ARHGAP21: variants seen among roughly 807,000 people sequenced by gnomAD.
ARHGAP21 encodes the protein rho GTPase-activating protein 21.
A neutral mutation model predicts 164.6 loss-of-function variants in ARHGAP21; 38 were observed. The observed-to-expected ratio is 0.23, with a 90% CI of 0.18 to 0.30. The LOEUF (loss-of-function observed/expected upper bound fraction) is 0.30, where lower values mean the gene tolerates loss of function less well. ARHGAP21 is among the 10% of genes least tolerant of loss of function. The pLI is 1.00. For synonymous variants in ARHGAP21, 766 were observed against 857.9 expected (o/e 0.89, Z 1.87); for missense variants, 1,822 against 2,370.7 (o/e 0.77, Z 4.81).
chr10:24,667,328 C>A (rs959020617), intron 3 of ARHGAP21, among the ~76,000 whole-genome samples: 4 of 152,162 alleles, frequency 2.6e-5, no homozygotes, highest in South Asian at 2.1e-4. Context: ...CATTTGAGTG[C>A]GAGATTTCTA....
chr10:24,704,040 A>T (rs1211805246), intron 2 of ARHGAP21, among the ~76,000 whole-genome samples: 1 of 152,154 alleles, frequency 6.6e-6, no homozygotes, highest in Non-Finnish European at 1.5e-5. Flanking sequence ...AATCTAAATG[A>T]TCTGACAACA....
intron 2 of ARHGAP21, among the ~76,000 whole-genome samples, chr10:24,689,180 TCA>T: frequency 1.3e-5 from 2 of 152,294 alleles, no homozygotes; most frequent in Admixed American, 1.3e-4. Flanking sequence ...GACTAGAACC[TCA>T]GTTTCCAATC....
chr10:24,640,957 T>C (rs2131426000), intron 4 of ARHGAP21, among the ~76,000 whole-genome samples: 1 of 152,254 alleles, frequency 6.6e-6, no homozygotes, highest in South Asian at 2.1e-4. Flanking sequence ...TTGCAGTCAT[T>C]TATGTCTTCA....
intron 24 of ARHGAP21, 57 bp downstream of exon 24, chr10:24,591,168 A>C: frequency 7.3e-7 from 1 of 1,373,756 alleles, no homozygotes; most frequent in African/African-American, 1.5e-5. Context: ...TTGCTCTTTC[A>C]TATTGTAAGA....
In ARHGAP21 at chr10:24,670,307, T is replaced by C; in HGVS notation, c.154A>G (p.Thr52Ala). Residue 52 changes from threonine (T) to alanine (A), a missense_variant, in exon 3 of 26, where the codon ACG becomes GCG. Coordinates refer to ENST00000396432, the MANE Select transcript of ARHGAP21 (RefSeq NM_020824.4). ...TFSWPGPKTV[T>A]LKRTSQGFGF... ...AAGCCTTGAGATGTTCTTTTCAACG[T>C]AACTGTTTTGGGACCTGGCCAGGAG... 1 of 1,610,702 alleles carries C rather than the reference T, an allele frequency of 6.2e-7. No homozygotes were observed. Among genetic ancestry groups the C allele is most frequent in the Non-Finnish European group, 8.5e-7 (1 of 1,178,106 alleles).
chr10:24,661,888 G>A (rs573264240), intron 4 of ARHGAP21, among the ~76,000 whole-genome samples: 7 of 152,282 alleles, frequency 4.6e-5, no homozygotes, highest in African/African-American at 1.7e-4. Context: ...TGTTGATCAG[G>A]TTATTTGCAA....
At chr10:24,693,812 T>C (rs561952756) in intron 2 of ARHGAP21, among the ~76,000 whole-genome samples, 4 of 152,332 alleles carry the variant, frequency 2.6e-5, no homozygotes, top group African/African-American at 4.8e-5. Context: ...ACCAGGTATA[T>C]AAAGAAACTG....
chr10:24,665,203 C>T (rs1204094917), intron 4 of ARHGAP21, among the ~76,000 whole-genome samples: 1 of 152,002 alleles, frequency 6.6e-6, no homozygotes, highest in African/African-American at 2.4e-5. Context: ...TCATCCTAAC[C>T]CTGGTGCATG....
chr10:24,616,593 G>A (rs1833971092), intron 9 of ARHGAP21, among the ~76,000 whole-genome samples: 1 of 152,226 alleles, frequency 6.6e-6, no homozygotes, highest in African/African-American at 2.4e-5. Flanking sequence ...CAATGTTGGG[G>A]TAAGATGGAG....
At chr10:24,709,139 T>C (rs765635119) in intron 2 of ARHGAP21, among the ~76,000 whole-genome samples, 8 of 152,014 alleles carry the variant, frequency 5.3e-5, no homozygotes, top group Non-Finnish European at 7.4e-5. Flanking sequence ...GCAATTATGC[T>C]CACAAACTAG....
chr10:24,597,000 T>G, intron 16 of ARHGAP21, 118 bp from the exon 17 acceptor site: 2 of 1,106,646 alleles, frequency 1.8e-6, no homozygotes, highest in Non-Finnish European at 2.5e-6. Context: ...ATATAAATAA[T>G]ACATCCTATA....
At chr10:24,608,827 T>A (rs113364633) in intron 9 of ARHGAP21, among the ~76,000 whole-genome samples, 110 of 152,308 alleles carry the variant, frequency 7.2e-4, no homozygotes, top group African/African-American at 2.5e-3. Flanking sequence ...TGAAAATTTC[T>A]CTATGCACCA....
intron 19 of ARHGAP21, 77 bp downstream of exon 19, chr10:24,595,640 T>C (rs1405424825): frequency 1.4e-6 from 2 of 1,426,842 alleles, no homozygotes; most frequent in African/African-American, 1.4e-5. Flanking sequence ...TTTGTCCTTG[T>C]TCAATTTAAT....
At chr10:24,596,164 G>T (rs1218913999) in intron 17 of ARHGAP21, 121 bp from the exon 18 acceptor site, 2 of 805,020 alleles carry the variant, frequency 2.5e-6, no homozygotes, top group African/African-American at 3.5e-5. Flanking sequence ...GTAATATAAA[G>T]AATACAGACA....
chr10:24,695,566 C>G (rs1225178260), intron 2 of ARHGAP21, among the ~76,000 whole-genome samples: 2 of 127,964 alleles, frequency 1.6e-5, no homozygotes, highest in Non-Finnish European at 3.3e-5. Flanking sequence ...GAGACTGCGT[C>G]AAAAAAAAAA....
chr10:24,719,733 A>G (rs537292173), intron 2 of ARHGAP21, among the ~76,000 whole-genome samples: 14 of 152,358 alleles, frequency 9.2e-5, no homozygotes, highest in African/African-American at 3.4e-4. Flanking sequence ...AAACCTAAAT[A>G]TCAGCCCAAA....
intron 4 of ARHGAP21, among the ~76,000 whole-genome samples, chr10:24,653,262 T>C (rs1838392093): frequency 1.3e-5 from 2 of 152,140 alleles, no homozygotes; most frequent in South Asian, 2.1e-4. Flanking sequence ...GAAGAGGATT[T>C]TGTTTTGTTT....
intron 2 of ARHGAP21, among the ~76,000 whole-genome samples, chr10:24,699,978 G>A (rs766272960): frequency 3.9e-5 from 6 of 152,176 alleles, no homozygotes; most frequent in Admixed American, 2.0e-4. Flanking sequence ...GGCAGAGAGA[G>A]GTGTTTTTTT....
Position 24,722,025 on chromosome 10 carries a change from G to C in ARHGAP21, c.-126C>G, listed in dbSNP as rs1047789974. 1.0e-5 allele frequency: 10 copies of C among 978,914 alleles called. No individual in the cohort carries two copies. In the African/African-American group the frequency reaches 1.3e-4, roughly 13 times the overall value. 60.6% of individuals were successfully genotyped at this position (978,914 alleles called of 1,614,324 possible). On this transcript the variant is annotated 5_prime_UTR_variant, in exon 2 of 26. Coordinates refer to ENST00000396432, the MANE Select transcript of ARHGAP21 (RefSeq NM_020824.4). ...GGCTCCGAGGAGGGGCAGGGCTGTT[G>C]AAACAGACAACGTGCCAGGGAATAA...
Sources: gnomAD v4.1 joint callset for allele counts (sites outside exome capture counted in the v4.1 genomes callset) on GRCh38, gnomAD v4.1.1 for gene constraint, MANE v1.5 for transcripts, NCBI Gene and HGNC (gene_info 2026-07-23, HGNC 2026-07-21) for gene names.